Variants in TRAF1 observed in about 807,000 individuals in gnomAD.
TRAF1 encodes the protein TNF receptor associated factor 1.
A neutral mutation model predicts 40.9 loss-of-function variants in TRAF1; 23 were observed. The ratio of observed to expected loss-of-function variants is 0.56; its 90% CI spans 0.40 to 0.80. The LOEUF (loss-of-function observed/expected upper bound fraction) is 0.80, where lower values mean the gene tolerates loss of function less well. Among genes scored for constraint, TRAF1 ranks in the 30% least tolerant of loss-of-function variants. The pLI is 0.00. For synonymous variants in TRAF1, 206 were observed against 218.8 expected (o/e 0.94, Z 0.52); for missense variants, 477 against 528.7 (o/e 0.90, Z 0.96).
rs949822749 is a variant in TRAF1, at chr9:120,914,254, C to A, written c.275G>T (p.Gly92Val). ...GCTTACCTTGAAGGAGCAGCCGACA[C>A]CTGCAAAGGGGCACCCAATTCCAGC... is the stretch of plus-strand genomic sequence containing the variant. Reference protein sequence around the residue: ...AEAGIGCPFAGVGCSFKGSPQ... With the variant: ...AEAGIGCPFAVVGCSFKGSPQ... Residue 92 changes from glycine to valine, a missense_variant, in exon 4 of 8, where the codon GGT (glycine) becomes GTT (valine). Gly to Val is a moderately radical substitution (Grantham distance 109, BLOSUM62 -3). Coordinates refer to ENST00000373887, the MANE Select transcript of TRAF1 (RefSeq NM_005658.5). The A allele has an allele frequency of 1.9e-5, 29 of 1,538,488 alleles. No individual in the cohort carries two copies. The highest frequency in any genetic ancestry group is 2.4e-5 in the Non-Finnish European group (27 of 1,131,650).
Position 120,914,270 on chromosome 9 carries a change from C to A in TRAF1, c.259G>T (p.Gly87Trp). Residue 87 changes from glycine to tryptophan, a missense_variant, in exon 4 of 8, where the codon GGG becomes TGG. Coordinates refer to ENST00000373887, the MANE Select transcript of TRAF1 (RefSeq NM_005658.5). ...AHPEVAEAGI[G>W]CPFAGVGCSF... ...CAGCCGACACCTGCAAAGGGGCACCCAATTCCAGCCTCAGCCACCTCGGGG... is the reference window on the plus strand; with the variant it reads ...CAGCCGACACCTGCAAAGGGGCACCAAATTCCAGCCTCAGCCACCTCGGGG... 6.5e-7 allele frequency: 1 copy of A among 1,536,150 alleles called. No homozygotes were observed. Among genetic ancestry groups the A allele is most frequent in the African/African-American group, 1.4e-5 (1 of 73,162 alleles).
chr9:120,914,908 A>G (rs1427057969), intron 3 of TRAF1, among the ~76,000 whole-genome samples: 1 of 152,176 alleles, frequency 6.6e-6, no homozygotes, highest in Non-Finnish European at 1.5e-5. Flanking sequence ...GGTCTGAAGC[A>G]TTTACCAAAT....
At position 120,904,682 on chromosome 9, in the gene TRAF1, A is replaced by T. The variant is rs567955941; in HGVS notation, c.*338T>A. 21 of 300,890 alleles carry T rather than the reference A, an allele frequency of 7.0e-5. No individual in the cohort carries two copies. The highest frequency in any genetic ancestry group is 4.1e-4 in the African/African-American group (19 of 46,392). The allele number at this position is 300,890 out of a possible 1,614,324, so 18.6% of individuals were successfully genotyped here. A position where few individuals can be genotyped will look rare whatever the true frequency, so the allele number is the denominator to read the frequency against. On this transcript the variant is annotated 3_prime_UTR_variant, in exon 8 of 8. Transcript: ENST00000373887. ...CCGAGAGCTTCTCTGCTTGGGTCCT[A>T]CGGTTCCAAGCCTGGTTCCATTTTC...
At chr9:120,905,362 A>C in intron 7 of TRAF1, 124 bp from the exon 8 acceptor site, 2 of 1,081,002 alleles carry the variant, frequency 1.9e-6, no homozygotes, top group Non-Finnish European at 2.6e-6. Context: ...CCCTTGGCTC[A>C]TTTGGATTAG....
At chr9:120,918,748 C>T (rs2046585543) in intron 3 of TRAF1, among the ~76,000 whole-genome samples, 1 of 152,220 alleles carries the variant, frequency 6.6e-6, no homozygotes. Flanking sequence ...CAGGCAGAAA[C>T]AGAGGGAATG....
intron 6 of TRAF1, among the ~76,000 whole-genome samples, chr9:120,911,040 A>G (rs1047924680): frequency 2.0e-5 from 3 of 152,234 alleles, no homozygotes; most frequent in Non-Finnish European, 2.9e-5. Context: ...AGTGGGTAAC[A>G]GTTTTGATTC....
upstream of TRAF1, chr9:120,928,907 A>G (rs1402350763): frequency 6.6e-6 from 1 of 152,302 alleles, no homozygotes; most frequent in Non-Finnish European, 1.5e-5. Context: ...CGGAAAGAGG[A>G]ATGAGCCCCT....
rs568283719 is a variant in TRAF1, at chr9:120,909,248, C to T, written c.1014G>A (p.Pro338=). The T allele has an allele frequency of 2.0e-5, 33 of 1,613,930 alleles. No homozygotes were observed. Among genetic ancestry groups the T allele is most frequent in the Non-Finnish European group, 2.4e-5 (28 of 1,180,020 alleles). The change falls in exon 7 of 8, where the codon CCG becomes CCA. Residue 338 remains proline (P), a synonymous_variant. Transcript: ENST00000373887. ...IMRGEYDALL[P]WPFRNKVTFM... is the part of the protein sequence containing the mutation. ...CCCATACCTTGTTCCGGAAGGGCCA[C>T]GGCAGCAGCGCATCATACTCCCCTC... is the stretch of plus-strand genomic sequence containing the variant.
At chr9:120,925,132 C>T (rs1466728209) in intron 2 of TRAF1, among the ~76,000 whole-genome samples, 2 of 152,242 alleles carry the variant, frequency 1.3e-5, no homozygotes, top group Admixed American at 1.3e-4. Context: ...TTCAGCTTTG[C>T]CACCTTCTTA....
Position 120,926,270 on chromosome 9 carries a change from G to A in TRAF1, c.-195C>T. On this transcript the variant is annotated 5_prime_UTR_variant, in exon 2 of 8. Coordinates refer to ENST00000373887, the MANE Select transcript of TRAF1 (RefSeq NM_005658.5). ...GATGGAGCAGGAATTACCCTTTGTG[G>A]CGATAAAAATCCCCTGGATGGTGAC... 1 of 516,668 alleles carries A rather than the reference G, an allele frequency of 1.9e-6. No homozygotes were observed. Among genetic ancestry groups the A allele is most frequent in the Non-Finnish European group, 3.2e-6 (1 of 315,902 alleles). The allele number at this position is 516,668 out of a possible 1,614,324, so 32.0% of individuals were successfully genotyped here.
At chr9:120,927,129 C>T (rs934016244), upstream of TRAF1, 2 of 152,236 alleles carry the variant, frequency 1.3e-5, no homozygotes, top group African/African-American at 4.8e-5. Flanking sequence ...GGTCCAAAGG[C>T]ACACAGCCTC....
chr9:120,918,349 T>C (rs1307650934), intron 3 of TRAF1, among the ~76,000 whole-genome samples: 2 of 152,042 alleles, frequency 1.3e-5, no homozygotes, highest in African/African-American at 2.4e-5. Flanking sequence ...ATAGTAATAA[T>C]GGCTCATATT....
intron 3 of TRAF1, among the ~76,000 whole-genome samples, chr9:120,915,852 A>C (rs148309721): frequency 4.6e-5 from 7 of 152,198 alleles, no homozygotes; most frequent in Non-Finnish European, 1.0e-4. Context: ...AAAATAAATG[A>C]ATAATGAACA....
chr9:120,927,967 A>T (rs569949417), upstream of TRAF1: 3 of 152,356 alleles, frequency 2.0e-5, no homozygotes, highest in East Asian at 5.8e-4. Flanking sequence ...CTCCGGCCTC[A>T]ATACCACCCT....
chr9:120,926,971 T>C (rs566132121), upstream of TRAF1: 1 of 152,344 alleles, frequency 6.6e-6, no homozygotes, highest in East Asian at 1.9e-4. Flanking sequence ...GGGATGTAGA[T>C]CCACATTTGC....
chr9:120,906,173 GTTTTTTTTT>G (rs35324048), intron 7 of TRAF1, among the ~76,000 whole-genome samples: 1 of 84,878 alleles, frequency 1.2e-5, no homozygotes, highest in East Asian at 3.3e-4. Flanking sequence ...ATTATGGTGT[GTTTTTTTTT>G]TTTTTTTTTT....
At chr9:120,924,233 T>C (rs983500558) in intron 2 of TRAF1, among the ~76,000 whole-genome samples, 5 of 152,168 alleles carry the variant, frequency 3.3e-5, no homozygotes, top group African/African-American at 9.7e-5. Context: ...CTATATTTGC[T>C]CTTCTCATTT....
Position 120,913,742 on chromosome 9 carries a change from A to C in TRAF1, c.295-4T>G. 10 of 1,557,780 alleles carry C rather than the reference A, an allele frequency of 6.4e-6. No homozygotes were observed. Among genetic ancestry groups the C allele is most frequent in the Non-Finnish European group, 8.7e-6 (10 of 1,149,234 alleles). On this transcript the variant is annotated splice_region_variant and splice_polypyrimidine_tract_variant and intron_variant, in intron 4 of 7. Coordinates refer to ENST00000373887, the MANE Select transcript of TRAF1 (RefSeq NM_005658.5). ...CTTGCACAGACTGTGGGCTTCCCTGACAAGAGAGTGGGGCTGATCAGTGAA... is the reference window on the plus strand; with the variant it reads ...CTTGCACAGACTGTGGGCTTCCCTGCCAAGAGAGTGGGGCTGATCAGTGAA...
chr9:120,921,594 C>T (rs151226584), intron 3 of TRAF1, among the ~76,000 whole-genome samples: 36 of 152,132 alleles, frequency 2.4e-4, no homozygotes, highest in Non-Finnish European at 5.0e-4. Flanking sequence ...GTCTCACAGC[C>T]GATCCACCAA....
Sources: gnomAD v4.1 joint callset for allele counts (sites outside exome capture counted in the v4.1 genomes callset) on GRCh38, gnomAD v4.1.1 for gene constraint, MANE v1.5 for transcripts, NCBI Gene and HGNC (gene_info 2026-07-23, HGNC 2026-07-21) for gene names.